The following TBC1D4 variants were observed in gnomAD, a reference collection of about 807,000 sequenced individuals.
TBC1D4 encodes the protein TBC (Tre-2, BUB2, CDC16) domain-containing protein.
In TBC1D4, 121 loss-of-function variants were observed where a neutral mutation model predicts 142.5. The observed-to-expected ratio is 0.85, with a 90% CI of 0.73 to 0.99. The LOEUF (loss-of-function observed/expected upper bound fraction) is 0.99, where lower values mean the gene tolerates loss of function less well. TBC1D4 is among the 50% of genes least tolerant of loss of function. The pLI, the probability that TBC1D4 is intolerant of heterozygous loss-of-function variation, is 0.00. For synonymous variants in TBC1D4, 630 were observed against 628.2 expected (o/e 1.00, Z -0.04); for missense variants, 1,475 against 1,606.6 (o/e 0.92, Z 1.40).
chr13:75,314,706 C>T (rs1295443890), intron 12 of TBC1D4, among the ~76,000 whole-genome samples: 1 of 152,146 alleles, frequency 6.6e-6, no homozygotes, highest in Non-Finnish European at 1.5e-5. Context: ...TGGCTCACCA[C>T]CTGTAAACCC....
chr13:75,390,131 T>C (rs1884387051), intron 1 of TBC1D4, among the ~76,000 whole-genome samples: 1 of 151,378 alleles, frequency 6.6e-6, no homozygotes, highest in East Asian at 1.9e-4. Context: ...CAAAAAAAAA[T>C]TAGCTGGGCC....
In TBC1D4 at chr13:75,481,821, C is replaced by A. The variant is rs890598659; in HGVS notation, c.-54G>T. 2.0e-5 allele frequency: 28 copies of A among 1,429,932 alleles called. No homozygotes were observed. Among genetic ancestry groups the A allele is most frequent in the East Asian group, 5.5e-5 (2 of 36,344 alleles). 88.6% of individuals were successfully genotyped at this position (1,429,932 alleles called of 1,614,324 possible). ...GGCCGGCCGGGCGCACCGCGCCCCC[C>A]ACTCCCGCGCAGAAGGCGCCGCCGA... On this transcript the variant is annotated 5_prime_UTR_variant, in exon 1 of 21. Transcript: ENST00000377636.
At chr13:75,302,177 C>A (rs1055606094) in intron 16 of TBC1D4, 66 bp downstream of exon 16, 11 of 1,604,980 alleles carry the variant, frequency 6.9e-6, no homozygotes, top group Non-Finnish European at 7.7e-6. Context: ...AAACAAAAAC[C>A]AAAAAAACTT....
At chr13:75,377,813 A>G (rs1450720603) in intron 1 of TBC1D4, among the ~76,000 whole-genome samples, 2 of 151,438 alleles carry the variant, frequency 1.3e-5, no homozygotes, top group African/African-American at 4.8e-5. Context: ...CTACCTATCT[A>G]TCTACATATC....
intron 1 of TBC1D4, among the ~76,000 whole-genome samples, chr13:75,445,536 A>G: frequency 6.6e-6 from 1 of 152,238 alleles, no homozygotes; most frequent in South Asian, 2.1e-4. Flanking sequence ...TCTAAACTGT[A>G]AAATCTTCTA....
rs1875385505 is a variant in TBC1D4 at position 75,292,233 on chromosome 13, C to A, written c.3355G>T (p.Val1119Phe). 1 of 1,612,942 alleles carries A rather than the reference C, an allele frequency of 6.2e-7. No homozygotes were observed. The highest frequency in any genetic ancestry group is 1.1e-5 in the South Asian group (1 of 90,986). Residue 1119 changes from valine to phenylalanine, a missense_variant, in exon 19 of 21, where the codon GTT becomes TTT. Physicochemically the swap from Val to Phe is conservative, Grantham distance 50 (BLOSUM62 -1). Transcript: ENST00000377636. Reference protein sequence around the residue: ...FLQGTEVIFKVALSLLSSQET... With the variant: ...FLQGTEVIFKFALSLLSSQET... ...TGGCTGCTCAGTAGGCTGAGTGCAA[C>A]CTTGAATATAACTTCAGTTCCCTGA... is the stretch of plus-strand genomic sequence containing the variant.
chr13:75,309,824 A>G (rs1168686858), intron 14 of TBC1D4, 118 bp downstream of exon 14: 25 of 940,288 alleles, frequency 2.7e-5, no homozygotes, highest in Non-Finnish European at 3.8e-5. Context: ...TATTCTTCTT[A>G]AAGTGTGCAT....
chr13:75,433,138 T>C (rs1041935765), intron 1 of TBC1D4, among the ~76,000 whole-genome samples: 2 of 152,188 alleles, frequency 1.3e-5, no homozygotes, highest in Admixed American at 6.5e-5. Context: ...ATATTTACCA[T>C]GCATGAGTCA....
intron 1 of TBC1D4, 137 bp downstream of exon 1, chr13:75,481,133 T>C: frequency 7.5e-7 from 1 of 1,339,854 alleles, no homozygotes; most frequent in Non-Finnish European, 9.9e-7. Flanking sequence ...AGCCGGCGCT[T>C]GAGCGCGCCA....
At chr13:75,301,514 T>A (rs512973) in intron 16 of TBC1D4, among the ~76,000 whole-genome samples, 3 of 151,812 alleles carry the variant, frequency 2.0e-5, no homozygotes, top group Admixed American at 6.6e-5. Context: ...GCGTGGTGGC[T>A]GGTGCCTGTA....
chr13:75,286,995 A>C lies in TBC1D4; in HGVS notation c.3694T>G (p.Ser1232Ala), dbSNP rs780444202. Reference protein sequence around the residue: ...VAHTKIQALESNLENLLTRET... With the variant: ...VAHTKIQALEANLENLLTRET... ...CTCGTCAAAAGATTTTCCAGGTTTG[A>C]TTCCAAGGCCTGGATTTTAGTATGA... Residue 1232 changes from serine to alanine, a missense_variant, in exon 21 of 21, where the codon TCA becomes GCA. Physicochemically the swap from Ser to Ala is moderately conservative, Grantham distance 99 (BLOSUM62 1). This residue lies in a region of TBC1D4 where 248 missense variants were observed against 338.9 expected (regional missense o/e 0.73). Transcript: ENST00000377636. 7 of 1,613,376 alleles carry C rather than the reference A, an allele frequency of 4.3e-6. No homozygotes were observed. The Admixed American group carries it at 1.2e-4, about 27-fold the overall frequency.
At chr13:75,327,489 G>C (rs139830423) in intron 9 of TBC1D4, among the ~76,000 whole-genome samples, 16 of 152,220 alleles carry the variant, frequency 1.1e-4, no homozygotes, top group African/African-American at 3.9e-4. Context: ...TAAGGCATTG[G>C]ATCAATAGTT....
At chr13:75,358,230 T>C (rs1882216689) in intron 3 of TBC1D4, among the ~76,000 whole-genome samples, 3 of 152,200 alleles carry the variant, frequency 2.0e-5, no homozygotes, top group Admixed American at 2.0e-4. Flanking sequence ...AGCTCTGTCT[T>C]AGTACATCTG....
At chr13:75,393,116 TACACACACACACACACACAC>T (rs34205789) in intron 1 of TBC1D4, among the ~76,000 whole-genome samples, 2 of 141,400 alleles carry the variant, frequency 1.4e-5, no homozygotes, top group African/African-American at 2.7e-5. Flanking sequence ...TAAATTAAAA[TACACACACACACACACACAC>T]ACACACACAC....
intron 1 of TBC1D4, among the ~76,000 whole-genome samples, chr13:75,419,489 A>G (rs1886070094): frequency 6.6e-6 from 1 of 152,226 alleles, no homozygotes; most frequent in Non-Finnish European, 1.5e-5. Context: ...AGTTCTGATG[A>G]GGCATACCTC....
intron 5 of TBC1D4, among the ~76,000 whole-genome samples, chr13:75,348,950 AGAGAGTGTGT>A (rs1279262541): frequency 8.8e-5 from 11 of 125,008 alleles, no homozygotes; most frequent in African/African-American, 3.4e-4. Flanking sequence ...AGAGAGAGAG[AGAGAGTGTGT>A]GTGTGTGTGT....
At chr13:75,315,943 ACATAAAG>A (rs1187068222) in intron 12 of TBC1D4, among the ~76,000 whole-genome samples, 3 of 152,204 alleles carry the variant, frequency 2.0e-5, no homozygotes, top group African/African-American at 7.2e-5. Flanking sequence ...TTCCTTTCCT[ACATAAAG>A]CCATCTAATT....
chr13:75,306,575 C>G, intron 14 of TBC1D4, 104 bp from the exon 15 acceptor site: 2 of 1,370,616 alleles, frequency 1.5e-6, no homozygotes, highest in East Asian at 4.6e-5. Flanking sequence ...TTTCAGGAAT[C>G]AACTGGTAGT....
chr13:75,407,617 G>A (rs977963915), intron 1 of TBC1D4, among the ~76,000 whole-genome samples: 1 of 152,200 alleles, frequency 6.6e-6, no homozygotes, highest in Non-Finnish European at 1.5e-5. Context: ...AGGATGCAAA[G>A]GGAAGCAGCC....
Sources: allele counts gnomAD v4.1 joint callset (sites outside exome capture counted in the v4.1 genomes callset), GRCh38; gene constraint gnomAD v4.1.1; regional missense constraint gnomAD v4.1.1; transcripts MANE v1.5; gene names NCBI Gene and HGNC (gene_info 2026-07-23, HGNC 2026-07-21).